CNTNAP2: variants seen among roughly 807,000 people sequenced by gnomAD.
The protein encoded by CNTNAP2 is contactin associated protein 2.
CNTNAP2 carries 98 observed loss-of-function variants against 155.2 expected under a neutral mutation model. The observed-to-expected ratio is 0.63, with a 90% CI of 0.54 to 0.75. CNTNAP2 has a LOEUF of 0.75. Among genes scored for constraint, CNTNAP2 ranks in the 30% least tolerant of loss-of-function variants. The pLI is 0.00. For missense variants in CNTNAP2, 1,727 were observed against 1,688.1 expected (o/e 1.02, Z -0.40); for synonymous variants, 651 against 631.2 (o/e 1.03, Z -0.47).
chr7:147,021,733 C>G (rs1798820665), intron 3 of CNTNAP2, among the ~76,000 whole-genome samples: 1 of 152,146 alleles, frequency 6.6e-6, no homozygotes, highest in South Asian at 2.1e-4. Context: ...TGTTTTACCT[C>G]CTTGTGGTTT....
intron 16 of CNTNAP2, among the ~76,000 whole-genome samples, chr7:148,135,753 G>A (rs1804924821): frequency 6.7e-6 from 1 of 149,760 alleles, no homozygotes; most frequent in Non-Finnish European, 1.5e-5. Flanking sequence ...GGAGGCTGAG[G>A]CAGGAGAATA....
intron 1 of CNTNAP2, among the ~76,000 whole-genome samples, chr7:146,206,124 T>G (rs7777761): frequency 0.31 from 46,558 of 151,792 alleles, 8,373 homozygotes; most frequent in African/African-American, 0.5. Flanking sequence ...ACAAAAATTA[T>G]AACATAAGTT....
intron 8 of CNTNAP2, among the ~76,000 whole-genome samples, chr7:147,232,071 A>G (rs575451560): frequency 6.6e-6 from 1 of 152,344 alleles, no homozygotes; most frequent in Non-Finnish European, 1.5e-5. Context: ...GATCCCATTT[A>G]TAATAGATAG....
At chr7:146,890,705 A>G (rs1466072405) in intron 3 of CNTNAP2, among the ~76,000 whole-genome samples, 1 of 152,228 alleles carries the variant, frequency 6.6e-6, no homozygotes, top group African/African-American at 2.4e-5. Context: ...CAGTCATTAT[A>G]CAAGTAAATG....
chr7:148,003,891 G>C (rs183049799), intron 15 of CNTNAP2, among the ~76,000 whole-genome samples: 1 of 152,136 alleles, frequency 6.6e-6, no homozygotes, highest in Non-Finnish European at 1.5e-5. Flanking sequence ...CCAGTGCCTA[G>C]CATAAATATT....
chr7:146,292,133 G>C (rs1800438526), intron 1 of CNTNAP2, among the ~76,000 whole-genome samples: 1 of 152,136 alleles, frequency 6.6e-6, no homozygotes, highest in Non-Finnish European at 1.5e-5. Flanking sequence ...AAAAAATGCT[G>C]AGCATCATTA....
chr7:147,872,473 C>T (rs1799343644), intron 13 of CNTNAP2, among the ~76,000 whole-genome samples: 1 of 152,126 alleles, frequency 6.6e-6, no homozygotes, highest in African/African-American at 2.4e-5. Flanking sequence ...ACTGACTCAC[C>T]AGTCTAACCA....
At chr7:147,829,530 T>C (rs930927581) in intron 13 of CNTNAP2, among the ~76,000 whole-genome samples, 2 of 152,150 alleles carry the variant, frequency 1.3e-5, no homozygotes, top group Non-Finnish European at 2.9e-5. Flanking sequence ...ATTCAATCCT[T>C]ACAAAAACCC....
intron 1 of CNTNAP2, among the ~76,000 whole-genome samples, chr7:146,176,744 T>G (rs1798477193): frequency 6.6e-6 from 1 of 152,248 alleles, no homozygotes; most frequent in Non-Finnish European, 1.5e-5. Context: ...GTGACTGCTT[T>G]ATTATTAGAT....
intron 13 of CNTNAP2, among the ~76,000 whole-genome samples, chr7:147,807,819 C>T (rs921132549): frequency 6.6e-5 from 10 of 152,048 alleles, no homozygotes; most frequent in African/African-American, 2.2e-4. Context: ...GACAGTTTTT[C>T]TAAGAGTTGT....
intron 10 of CNTNAP2, among the ~76,000 whole-genome samples, chr7:147,409,549 C>T (rs772955537): frequency 6.6e-6 from 1 of 152,106 alleles, no homozygotes; most frequent in Non-Finnish European, 1.5e-5. Context: ...ATTTGACAAA[C>T]ATGATGAAAT....
chr7:147,977,956 T>C lies in CNTNAP2; in HGVS notation c.2350T>C (p.Leu784=). 3 of 1,614,102 alleles carry C rather than the reference T, an allele frequency of 1.9e-6. No individual in the cohort carries two copies. Among genetic ancestry groups the C allele is most frequent in the Non-Finnish European group, 2.5e-6 (3 of 1,180,000 alleles). ...DTDRQGSEAK[L]SVGPLRCQGD... ...TGACCGTCAAGGCTCAGAAGCCAAA[T>C]TGAGCGTAGGTCCTCTGCGCTGCCA... The change falls in exon 15 of 24, where the codon TTG becomes CTG. Residue 784 remains leucine, a synonymous_variant. Coordinates refer to ENST00000361727, the MANE Select transcript of CNTNAP2 (RefSeq NM_014141.6).
chr7:147,886,475 CAAAAAAAAAA>C (rs532837902), intron 13 of CNTNAP2, among the ~76,000 whole-genome samples: 37 of 39,738 alleles, frequency 9.3e-4, no homozygotes, highest in African/African-American at 3.1e-3. Context: ...AACTCCATCT[CAAAAAAAAAA>C]AAAAAAAAAA....
chr7:147,817,002 T>C (rs1798275809), intron 13 of CNTNAP2, among the ~76,000 whole-genome samples: 2 of 152,146 alleles, frequency 1.3e-5, no homozygotes, highest in Non-Finnish European at 2.9e-5. Context: ...TGAACCTAAA[T>C]CTAATTGAGC....
rs191585148 is a variant in CNTNAP2, at chr7:146,759,802, G to C, written c.98-14469G>C. On this transcript the variant is annotated intron_variant, in intron 1 of 23. Transcript: ENST00000361727. Reference sequence around the variant, plus strand: ...GTGCATAGCTATCTTTATTTTCCAGGTTACCCCTTATGGAAAAAGGTTCGC... The same window carrying C: ...GTGCATAGCTATCTTTATTTTCCAGCTTACCCCTTATGGAAAAAGGTTCGC... 3.0e-3 allele frequency among the ~76,000 whole-genome samples: 458 copies of C among 151,506 alleles called. 2 individuals are homozygous for C. The highest frequency in any genetic ancestry group is 0.011 in the African/African-American group (441 of 41,242).
chr7:147,750,948 C>G (rs550767929), intron 13 of CNTNAP2, among the ~76,000 whole-genome samples: 43 of 152,116 alleles, frequency 2.8e-4, no homozygotes, highest in Admixed American at 1.7e-3. Flanking sequence ...GCTGAGGCAG[C>G]AGAATGGCGT....
At chr7:147,677,495 T>C (rs2116975064) in intron 13 of CNTNAP2, among the ~76,000 whole-genome samples, 1 of 152,118 alleles carries the variant, frequency 6.6e-6, no homozygotes, top group East Asian at 1.9e-4. Context: ...GATTGTTTCC[T>C]TTGCTGTAGA....
intron 14 of CNTNAP2, among the ~76,000 whole-genome samples, chr7:147,935,846 T>C (rs1051225624): frequency 2.6e-5 from 4 of 152,222 alleles, no homozygotes; most frequent in African/African-American, 9.6e-5. Flanking sequence ...CTCCACTTCA[T>C]TATTTTCTTC....
intron 1 of CNTNAP2, among the ~76,000 whole-genome samples, chr7:146,630,387 T>C (rs1225327938): frequency 2.0e-5 from 3 of 152,174 alleles, no homozygotes; most frequent in Non-Finnish European, 4.4e-5. Flanking sequence ...CTATCATTGA[T>C]GGGAATTTGG....
Sources: allele counts gnomAD v4.1 joint callset (sites outside exome capture counted in the v4.1 genomes callset), GRCh38; gene constraint gnomAD v4.1.1; transcripts MANE v1.5; gene names NCBI Gene and HGNC (gene_info 2026-07-23, HGNC 2026-07-21).